DNAJC11: variants seen among roughly 807,000 people sequenced by gnomAD.
DNAJC11 encodes the protein dnaJ homolog subfamily C member 11.
Under a neutral mutation model 78.6 loss-of-function variants are expected in DNAJC11, and 15 were observed. That is an observed-to-expected ratio of 0.19 (90% CI 0.13 to 0.29). The LOEUF is 0.29. Among genes scored for constraint, DNAJC11 ranks in the 10% least tolerant of loss-of-function variants. The pLI is 1.00. For synonymous variants in DNAJC11, 292 were observed against 272.1 expected (o/e 1.07, Z -0.72); for missense variants, 547 against 709.6 (o/e 0.77, Z 2.60).
Position 6,678,391 on chromosome 1 carries a change from T to C in DNAJC11, c.276+3A>G. The stretch of plus-strand genomic sequence containing the variant: ...GGAACACCAGACGCACAGTTTCTCT[T>C]ACCTCCCATCCTTCCATTTCCAGTC... On this transcript the variant is annotated splice_donor_region_variant and intron_variant, in intron 3 of 15. Transcript: ENST00000377577. 1 of 1,613,890 alleles carries C rather than the reference T, an allele frequency of 6.2e-7. No homozygotes were observed. Among genetic ancestry groups the C allele is most frequent in the East Asian group, 2.2e-5 (1 of 44,884 alleles).
In DNAJC11 at chr1:6,671,061, A is replaced by ATT. The variant is rs1324771562; in HGVS notation, c.277-3252_277-3251insAA. On this transcript the variant is annotated intron_variant, in intron 3 of 15. Transcript: ENST00000377577. ...CCCAATTCAGTGGACCTGACTGTGG[A>ATT]GCCACAGTTTCTCTGGACTCAGTGG... Among the ~76,000 whole-genome samples the ATT allele has an allele frequency of 2.6e-5, 4 of 152,216 alleles. No homozygotes were observed. The East Asian group carries it at 7.7e-4, about 29-fold the overall frequency.
At position 6,667,570 on chromosome 1, in the gene DNAJC11, T is replaced by G. The variant is rs1642311891; in HGVS notation, c.378+139A>C. On this transcript the variant is annotated intron_variant, in intron 4 of 15. Coordinates refer to ENST00000377577, the MANE Select transcript of DNAJC11 (RefSeq NM_018198.4). Reference sequence around the variant, plus strand: ...TTTCCAGAAAGATACAACTTTGACATAATATAAGCTAAATTTTGTCCCACC... The same window carrying G: ...TTTCCAGAAAGATACAACTTTGACAGAATATAAGCTAAATTTTGTCCCACC... 2.2e-5 allele frequency: 15 copies of G among 687,754 alleles called. 1 individual carries two copies. The South Asian group carries it at 2.8e-4, about 13-fold the overall frequency. The allele number at this position is 687,754 out of a possible 1,614,324, so 42.6% of individuals were successfully genotyped here. A position where few individuals can be genotyped will look rare whatever the true frequency, so the allele number is the denominator to read the frequency against.
intron 4 of DNAJC11, among the ~76,000 whole-genome samples, chr1:6,667,361 C>T (rs144541366): frequency 6.6e-6 from 1 of 152,146 alleles, no homozygotes; most frequent in African/African-American, 2.4e-5. Flanking sequence ...CCTCTGATTT[C>T]CAGTGTCAAG....
At chr1:6,679,515 T>G (rs1344710535) in intron 2 of DNAJC11, among the ~76,000 whole-genome samples, 1 of 152,200 alleles carries the variant, frequency 6.6e-6, no homozygotes, top group Non-Finnish European at 1.5e-5. Flanking sequence ...CCAAGACCTT[T>G]GGGTCTCTTC....
intron 1 of DNAJC11, among the ~76,000 whole-genome samples, chr1:6,687,673 C>G (rs1179815287): frequency 6.6e-6 from 1 of 152,134 alleles, no homozygotes; most frequent in African/African-American, 2.4e-5. Context: ...CCTCTTATTC[C>G]CAGCTCCGCC....
At chr1:6,667,939 G>T in intron 3 of DNAJC11, 129 bp from the exon 4 acceptor site, 1 of 812,104 alleles carries the variant, frequency 1.2e-6, no homozygotes, top group Non-Finnish European at 2.1e-6. Context: ...CTTTCCTCAG[G>T]AAGGACCCCA....
intron 1 of DNAJC11, among the ~76,000 whole-genome samples, chr1:6,701,447 TC>T (rs1286077578): frequency 6.6e-6 from 1 of 152,150 alleles, no homozygotes; most frequent in Admixed American, 6.5e-5. Context: ...CCCCGTTTCC[TC>T]TTGAGCGTGC....
At chr1:6,701,704 C>T (rs998276043) in intron 1 of DNAJC11, 25 bp downstream of exon 1, 2 of 1,526,518 alleles carry the variant, frequency 1.3e-6, no homozygotes, top group Non-Finnish European at 1.8e-6. Flanking sequence ...CCTCAGCCCC[C>T]AGAGCGTCCA....
rs139182017 is a variant in DNAJC11, at chr1:6,663,673, C to T, written c.378+4036G>A. On this transcript the variant is annotated intron_variant, in intron 4 of 15. Coordinates refer to ENST00000377577, the MANE Select transcript of DNAJC11 (RefSeq NM_018198.4). The stretch of plus-strand genomic sequence containing the variant: ...ATGAACCCACGTCCTGCCCAGCCAC[C>T]AATTCTCTCCCTGACGCCAGTTCAA... Among the ~76,000 whole-genome samples the T allele has an allele frequency of 1.1e-3, 166 of 152,274 alleles. 1 individual carries two copies. Among genetic ancestry groups the T allele is most frequent in the African/African-American group, 3.7e-3 (155 of 41,564 alleles).
intron 1 of DNAJC11, among the ~76,000 whole-genome samples, chr1:6,694,892 G>A (rs1034636126): frequency 3.3e-5 from 5 of 150,392 alleles, no homozygotes; most frequent in African/African-American, 7.3e-5. Context: ...GGAGAATGGC[G>A]TGAACCCGGG....
At chr1:6,667,352 C>T (rs891053295) in intron 4 of DNAJC11, among the ~76,000 whole-genome samples, 1 of 152,180 alleles carries the variant, frequency 6.6e-6, no homozygotes, top group Non-Finnish European at 1.5e-5. Flanking sequence ...TGCCTCTGTC[C>T]TCTGATTTCC....
chr1:6,690,487 T>C (rs569881270), intron 1 of DNAJC11, among the ~76,000 whole-genome samples: 11 of 152,356 alleles, frequency 7.2e-5, no homozygotes, highest in African/African-American at 2.4e-4. Flanking sequence ...ATCTGACTCC[T>C]GCGGCTGTGC....
chr1:6,681,522 C>T (rs1163354067), intron 1 of DNAJC11, among the ~76,000 whole-genome samples: 1 of 152,194 alleles, frequency 6.6e-6, no homozygotes, highest in African/African-American at 2.4e-5. Context: ...TCGAATGCAA[C>T]CTCTAATTCC....
At chr1:6,671,482 T>C (rs1280283187) in intron 3 of DNAJC11, among the ~76,000 whole-genome samples, 3 of 151,216 alleles carry the variant, frequency 2.0e-5, no homozygotes, top group Non-Finnish European at 4.4e-5. Context: ...ATGATCCGCC[T>C]GCCTTGGCCT....
intron 2 of DNAJC11, among the ~76,000 whole-genome samples, chr1:6,679,602 C>T (rs987183417): frequency 3.9e-5 from 6 of 152,178 alleles, no homozygotes; most frequent in South Asian, 2.1e-4. Flanking sequence ...TCAAATCTAA[C>T]GGGAAAGGAA....
Position 6,635,084 on chromosome 1 carries a change from G to A in DNAJC11, c.*591C>T, listed in dbSNP as rs1299482130. 3 of 189,190 alleles carry A rather than the reference G, an allele frequency of 1.6e-5. No individual in the cohort carries two copies. Among genetic ancestry groups the A allele is most frequent in the Non-Finnish European group, 3.2e-5 (3 of 92,330 alleles). 11.7% of individuals were successfully genotyped at this position (189,190 alleles called of 1,614,324 possible). ...ATGACTTGAGCAGCTCTGGGAGTGG[G>A]GAAAAAAGACGACTAATTTCCAAAC... is the stretch of plus-strand genomic sequence containing the variant. On this transcript the variant is annotated 3_prime_UTR_variant, in exon 16 of 16. Transcript: ENST00000377577.
At chr1:6,674,133 T>C (rs189063586) in intron 3 of DNAJC11, among the ~76,000 whole-genome samples, 12 of 152,344 alleles carry the variant, frequency 7.9e-5, no homozygotes, top group Non-Finnish European at 1.5e-4. Context: ...TCATTTTCAA[T>C]GTGGATATCT....
chr1:6,694,446 C>T (rs111552673), intron 1 of DNAJC11, among the ~76,000 whole-genome samples: 160 of 152,236 alleles, frequency 1.1e-3, no homozygotes, highest in African/African-American at 3.6e-3. Flanking sequence ...TCCTCCTATA[C>T]CTTATAAAAG....
intron 10 of DNAJC11, among the ~76,000 whole-genome samples, chr1:6,642,052 C>T (rs1641886057): frequency 1.3e-5 from 2 of 152,076 alleles, no homozygotes; most frequent in South Asian, 2.1e-4. Flanking sequence ...GAAATGGCCA[C>T]GTATTTATCT....
Sources: gnomAD v4.1 joint callset for allele counts (sites outside exome capture counted in the v4.1 genomes callset) on GRCh38, gnomAD v4.1.1 for gene constraint, MANE v1.5 for transcripts, NCBI Gene and HGNC (gene_info 2026-07-23, HGNC 2026-07-21) for gene names.